Variants in KCNMA1 observed in about 807,000 individuals in gnomAD.
The protein encoded by KCNMA1 is potassium calcium-activated channel subfamily M alpha 1, also known as Calcium-activated potassium channel subunit alpha-1.
Under a neutral mutation model 140.0 loss-of-function variants are expected in KCNMA1, and 29 were observed. The ratio of observed to expected loss-of-function variants is 0.21; its 90% CI spans 0.15 to 0.28. KCNMA1 has a LOEUF of 0.28. Ranked by LOEUF, KCNMA1 falls within the 10% of genes least tolerant of loss-of-function variation. KCNMA1 has a pLI of 1.00. For synonymous variants in KCNMA1, 612 were observed against 611.9 expected, an observed-to-expected ratio of 1.00 and a Z score of 0.00; for missense variants, 880 against 1,602.2, an observed-to-expected ratio of 0.55 and a Z score of 7.70.
At chr10:77,623,472 G>A (rs1027002406) in intron 1 of KCNMA1, among the ~76,000 whole-genome samples, 4 of 151,954 alleles carry the variant, frequency 2.6e-5, no homozygotes, top group African/African-American at 4.8e-5. Context: ...GAGGCAGGTG[G>A]AGTACTTGAG....
intron 1 of KCNMA1, among the ~76,000 whole-genome samples, chr10:77,631,237 T>C (rs1444301645): frequency 2.0e-5 from 3 of 152,098 alleles, no homozygotes; most frequent in African/African-American, 7.2e-5. Flanking sequence ...AGGACACCCT[T>C]GCCTCCGAGG....
At chr10:77,610,293 C>T (rs1222589323) in intron 1 of KCNMA1, among the ~76,000 whole-genome samples, 5 of 152,204 alleles carry the variant, frequency 3.3e-5, no homozygotes, top group African/African-American at 7.2e-5. Context: ...CACCCCCCAC[C>T]ACACACACTG....
At chr10:76,942,041 G>A (rs910202576) in intron 23 of KCNMA1, among the ~76,000 whole-genome samples, 3 of 152,036 alleles carry the variant, frequency 2.0e-5, no homozygotes, top group Admixed American at 2.0e-4. Context: ...GTGCCATCTC[G>A]GCTCACTGTA....
intron 3 of KCNMA1, among the ~76,000 whole-genome samples, chr10:77,238,687 C>T (rs917031432): frequency 8.5e-5 from 13 of 152,196 alleles, no homozygotes; most frequent in South Asian, 2.1e-4. Flanking sequence ...CCCAGTCAAC[C>T]TCTGCTTAAC....
chr10:77,522,250 A>G (rs1207102426), intron 1 of KCNMA1, among the ~76,000 whole-genome samples: 2 of 152,024 alleles, frequency 1.3e-5, no homozygotes, highest in African/African-American at 2.4e-5. Flanking sequence ...GCCATGAGCC[A>G]TCTCCAACAC....
chr10:77,287,558 T>A (rs2071466828), intron 2 of KCNMA1, among the ~76,000 whole-genome samples: 2 of 152,220 alleles, frequency 1.3e-5, no homozygotes, highest in Admixed American at 1.3e-4. Flanking sequence ...GTTTGTGAAC[T>A]AAGCAAAAGC....
downstream of KCNMA1, chr10:76,875,168 T>C (rs77957146): frequency 0.058 from 8,801 of 152,282 alleles, 300 homozygotes; most frequent in South Asian, 0.16. Flanking sequence ...TTCCATTTCG[T>C]TTCTACTTAC....
chr10:77,415,884 T>C (rs1295897256), intron 1 of KCNMA1, among the ~76,000 whole-genome samples: 1 of 152,224 alleles, frequency 6.6e-6, no homozygotes, highest in Non-Finnish European at 1.5e-5. Flanking sequence ...GGAAGAACTG[T>C]CCTTTTCTTT....
chr10:77,206,816 A>AGGGGG (rs202180223), intron 3 of KCNMA1, among the ~76,000 whole-genome samples: 45 of 48,374 alleles, frequency 9.3e-4, no homozygotes, highest in East Asian at 2.4e-3. Flanking sequence ...GCAGGGAGGG[A>AGGGGG]GGGGGGGGCG....
intron 19 of KCNMA1, among the ~76,000 whole-genome samples, chr10:76,983,682 G>A (rs990954477): frequency 2.7e-5 from 4 of 149,506 alleles, no homozygotes; most frequent in East Asian, 2.0e-4. Flanking sequence ...AGCTAAGATC[G>A]CACAACTGCA....
intron 23 of KCNMA1, among the ~76,000 whole-genome samples, chr10:76,940,764 C>T (rs1360221163): frequency 6.6e-6 from 1 of 151,794 alleles, no homozygotes; most frequent in Non-Finnish European, 1.5e-5. Flanking sequence ...AGTTTGAGAC[C>T]AGCCTGGCCA....
At chr10:77,506,753 G>GA (rs2046219885) in intron 1 of KCNMA1, among the ~76,000 whole-genome samples, 1 of 68,194 alleles carries the variant, frequency 1.5e-5, no homozygotes, top group Non-Finnish European at 2.9e-5. Flanking sequence ...TGTTAGAGAG[G>GA]GAGAGAGAGA....
At chr10:77,521,114 C>G (rs1290377796) in intron 1 of KCNMA1, among the ~76,000 whole-genome samples, 1 of 152,146 alleles carries the variant, frequency 6.6e-6, no homozygotes, top group African/African-American at 2.4e-5. Flanking sequence ...GAGAAAGAAC[C>G]ATAACACACA....
At chr10:77,197,733 G>T (rs2041022452) in intron 3 of KCNMA1, among the ~76,000 whole-genome samples, 1 of 152,198 alleles carries the variant, frequency 6.6e-6, no homozygotes, top group African/African-American at 2.4e-5. Context: ...ACAACCGAAA[G>T]GGGGAGGTTG....
intron 23 of KCNMA1, among the ~76,000 whole-genome samples, chr10:76,924,905 G>C (rs1034595888): frequency 1.3e-5 from 2 of 152,120 alleles, no homozygotes; most frequent in African/African-American, 4.8e-5. Flanking sequence ...AGTCAGAGCT[G>C]GTTTCCAACA....
At chr10:77,177,290 T>TTTCCTTTC (rs1343551166) in intron 5 of KCNMA1, among the ~76,000 whole-genome samples, 7 of 151,146 alleles carry the variant, frequency 4.6e-5, no homozygotes, top group Non-Finnish European at 8.9e-5. Context: ...TCCTTCCTTC[T>TTTCCTTTC]TTCCTTCCTT....
At chr10:77,168,946 G>A (rs950755415) in intron 5 of KCNMA1, among the ~76,000 whole-genome samples, 1 of 152,134 alleles carries the variant, frequency 6.6e-6, no homozygotes, top group Non-Finnish European at 1.5e-5. Flanking sequence ...ATATGTGAAC[G>A]AATGAACATG....
At chr10:77,449,773 G>T (rs1357298795) in intron 1 of KCNMA1, among the ~76,000 whole-genome samples, 1 of 150,784 alleles carries the variant, frequency 6.6e-6, no homozygotes, top group Non-Finnish European at 1.5e-5. Flanking sequence ...CTCCCGAGTA[G>T]CTGGGACTAC....
At chr10:76,894,939 T>C (rs1015264837) in intron 25 of KCNMA1, among the ~76,000 whole-genome samples, 1 of 151,980 alleles carries the variant, frequency 6.6e-6, no homozygotes. Flanking sequence ...AATTTCTGCC[T>C]CCAAAGAAAG....
Sources: gnomAD v4.1 joint callset for allele counts (sites outside exome capture counted in the v4.1 genomes callset) on GRCh38, gnomAD v4.1.1 for gene constraint, MANE v1.5 for transcripts, NCBI Gene and HGNC (gene_info 2026-07-23, HGNC 2026-07-21) for gene names.